Variants in APLF observed in about 807,000 individuals in gnomAD.
APLF encodes the protein aprataxin and PNK-like factor.
A neutral mutation model predicts 55.6 loss-of-function variants in APLF; 61 were observed. The ratio of observed to expected loss-of-function variants is 1.10; its 90% confidence interval spans 0.89 to 1.36. The LOEUF is 1.36. APLF is among the 40% of genes most tolerant of loss of function. The pLI is 0.00. For missense variants in APLF, 611 were observed against 602.5 expected (o/e 1.01, Z -0.15); for synonymous variants, 207 against 214.8 (o/e 0.96, Z 0.32).
rs762347399 is a variant in APLF, at chr2:68,567,321, T to C, written c.1287-20T>C. ...TTAGTAATTGGAAGACTAGCTCTTA[T>C]TTTTGCATTCTTCTTTCAGGAAGAA... On this transcript the variant is annotated intron_variant, in intron 8 of 9. Coordinates refer to ENST00000303795, the MANE Select transcript of APLF (RefSeq NM_173545.3). 3.1e-6 allele frequency: 5 copies of C among 1,600,376 alleles called. No individual in the cohort carries two copies. Among genetic ancestry groups the C allele is most frequent in the African/African-American group, 1.3e-5 (1 of 74,214 alleles).
chr2:68,572,685 AAATT>A, intron 9 of APLF, among the ~76,000 whole-genome samples: 1 of 152,188 alleles, frequency 6.6e-6, no homozygotes, highest in Middle Eastern at 3.4e-3. Flanking sequence ...AAAATAAAAA[AAATT>A]AACCAGTTGT....
In APLF at chr2:68,578,202, A is replaced by T; in HGVS notation, c.*180A>T. Reference sequence around the variant, plus strand: ...GTCAGCCTTCAGTATAATAGATGGAATTTTTTGTTGCCTTGCCTTTTCTTT... The same window carrying T: ...GTCAGCCTTCAGTATAATAGATGGATTTTTTTGTTGCCTTGCCTTTTCTTT... On this transcript the variant is annotated 3_prime_UTR_variant, in exon 10 of 10. Coordinates refer to ENST00000303795, the MANE Select transcript of APLF (RefSeq NM_173545.3). 1 of 1,348,530 alleles carries T rather than the reference A, an allele frequency of 7.4e-7. No individual in the cohort carries two copies. The highest frequency in any genetic ancestry group is 9.5e-7 in the Non-Finnish European group (1 of 1,050,492). The allele number at this position is 1,348,530 out of a possible 1,614,324, so 83.5% of individuals were successfully genotyped here.
Position 68,538,343 on chromosome 2 carries a change from G to C in APLF, c.1160+116G>C, listed in dbSNP as rs546204784. On this transcript the variant is annotated intron_variant, in intron 7 of 9. Coordinates refer to ENST00000303795, the MANE Select transcript of APLF (RefSeq NM_173545.3). ...AAACCCACTGGCCTAAAGGTTAGGG[G>C]CTTTATCGTGTTTCTACTATTTGTA... is the stretch of plus-strand genomic sequence containing the variant. 8.7e-5 allele frequency: 75 copies of C among 864,538 alleles called. 1 individual carries two copies. In the East Asian group the frequency reaches 1.6e-3, roughly 18 times the overall value. 53.6% of individuals were successfully genotyped at this position (864,538 alleles called of 1,614,324 possible). A position where few individuals can be genotyped will look rare whatever the true frequency, so the allele number is the denominator to read the frequency against.
In APLF at chr2:68,499,478, G is replaced by T. The variant is rs79707808; in HGVS notation, c.169-3253G>T. Among the ~76,000 whole-genome samples the T allele has an allele frequency of 8.9e-3, 1,362 of 152,256 alleles. 16 individuals are homozygous for T. Among genetic ancestry groups the T allele is most frequent in the Non-Finnish European group, 0.015 (1,028 of 68,012 alleles). On this transcript the variant is annotated intron_variant, in intron 2 of 9. Coordinates refer to ENST00000303795, the MANE Select transcript of APLF (RefSeq NM_173545.3). ...GTCTTGTTTTGGGAGGGATTGAAAA[G>T]ATTTTTAATTATTGATTGTACTTCT...
chr2:68,518,323 A>C (rs1669714745), intron 5 of APLF, among the ~76,000 whole-genome samples: 1 of 113,436 alleles, frequency 8.8e-6, no homozygotes, highest in Non-Finnish European at 1.6e-5. Flanking sequence ...TTAATAATAT[A>C]TAATATATTA....
At position 68,467,842 on chromosome 2, in the gene APLF, G is replaced by T; in HGVS notation, c.96+15G>T. ...CGCTGCTGGGAGTAAGTGTGGGCGG[G>T]GGCTTAGCGGACCCCGAGAGCCGTG... On this transcript the variant is annotated intron_variant, in intron 1 of 9. Transcript: ENST00000303795. 8.1e-7 allele frequency: 1 copy of T among 1,231,850 alleles called. No homozygotes were observed. The highest frequency in any genetic ancestry group is 1.0e-6 in the Non-Finnish European group (1 of 987,768). The allele number at this position is 1,231,850 out of a possible 1,614,324, so 76.3% of individuals were successfully genotyped here.
intron 1 of APLF, among the ~76,000 whole-genome samples, chr2:68,480,288 G>A (rs143270595): frequency 2.0e-5 from 3 of 150,762 alleles, no homozygotes; most frequent in East Asian, 3.9e-4. Flanking sequence ...CCATTTAGAT[G>A]CCCTTTCTTT....
At position 68,578,705 on chromosome 2, in the gene APLF, T is replaced by G; in HGVS notation, c.*683T>G. On this transcript the variant is annotated 3_prime_UTR_variant, in exon 10 of 10. Transcript: ENST00000303795. ...TTAAAAGTAAAAAAACTCAAAAAAC[T>G]TGACCTTTTTTTTCAAACTAAAGTC... The G allele has an allele frequency of 3.0e-6, 3 of 985,330 alleles. No individual in the cohort carries two copies. The highest frequency in any genetic ancestry group is 3.6e-6 in the Non-Finnish European group (3 of 829,858). The allele number at this position is 985,330 out of a possible 1,614,324, so 61.0% of individuals were successfully genotyped here.
At chr2:68,560,156 T>G (rs1326452053) in intron 8 of APLF, among the ~76,000 whole-genome samples, 1 of 152,138 alleles carries the variant, frequency 6.6e-6, no homozygotes, top group African/African-American at 2.4e-5. Flanking sequence ...TATATCCTTC[T>G]CTTTATTTTT....
chr2:68,482,297 T>C (rs1235167471), intron 1 of APLF, among the ~76,000 whole-genome samples: 2 of 152,144 alleles, frequency 1.3e-5, no homozygotes, highest in African/African-American at 4.8e-5. Flanking sequence ...GTAGAGTACA[T>C]TGGCTTAGGT....
At chr2:68,479,945 A>C (rs748151970) in intron 1 of APLF, among the ~76,000 whole-genome samples, 1 of 152,180 alleles carries the variant, frequency 6.6e-6, no homozygotes, top group African/African-American at 2.4e-5. Flanking sequence ...TTAATGAATA[A>C]TACATATATT....
At chr2:68,519,139 T>TTA (rs535716270) in intron 5 of APLF, among the ~76,000 whole-genome samples, 5 of 130,774 alleles carry the variant, frequency 3.8e-5, no homozygotes, top group South Asian at 2.2e-4. Context: ...ATTTGACATT[T>TTA]TATATATATA....
At chr2:68,558,798 C>T (rs1671085863) in intron 8 of APLF, among the ~76,000 whole-genome samples, 2 of 152,146 alleles carry the variant, frequency 1.3e-5, no homozygotes, top group African/African-American at 4.8e-5. Context: ...TCTGCCTACG[C>T]CCCGACCACT....
At chr2:68,535,570 A>G (rs1254740954) in intron 6 of APLF, among the ~76,000 whole-genome samples, 1 of 149,506 alleles carries the variant, frequency 6.7e-6, no homozygotes, top group Non-Finnish European at 1.5e-5. Flanking sequence ...TAAGAATATA[A>G]TTAATTTATT....
chr2:68,518,047 T>C (rs1669691097), intron 5 of APLF, among the ~76,000 whole-genome samples: 1 of 136,890 alleles, frequency 7.3e-6, no homozygotes, highest in Admixed American at 7.9e-5. Context: ...ATAACAGTAA[T>C]ATATCATTAA....
intron 5 of APLF, among the ~76,000 whole-genome samples, chr2:68,523,102 T>C (rs921991758): frequency 1.4e-4 from 21 of 152,038 alleles, no homozygotes; most frequent in African/African-American, 5.1e-4. Context: ...ACCACACTTA[T>C]AAAAGAAGGT....
intron 7 of APLF, among the ~76,000 whole-genome samples, chr2:68,542,382 T>C (rs897961799): frequency 1.4e-4 from 22 of 152,118 alleles, no homozygotes; most frequent in Non-Finnish European, 2.8e-4. Flanking sequence ...TGGAATGGGA[T>C]AAAATATTTG....
At chr2:68,501,730 G>C (rs969543646) in intron 2 of APLF, among the ~76,000 whole-genome samples, 1 of 152,126 alleles carries the variant, frequency 6.6e-6, no homozygotes, top group Non-Finnish European at 1.5e-5. Flanking sequence ...AATGTGGATG[G>C]TCTTCATAGT....
At chr2:68,500,713 T>A (rs902968946) in intron 2 of APLF, among the ~76,000 whole-genome samples, 1 of 152,196 alleles carries the variant, frequency 6.6e-6, no homozygotes, top group Non-Finnish European at 1.5e-5. Context: ...CTGTTCTGAC[T>A]CTTGCTTCTC....
Sources: gnomAD v4.1 joint callset for allele counts (sites outside exome capture counted in the v4.1 genomes callset) on GRCh38, gnomAD v4.1.1 for gene constraint, MANE v1.5 for transcripts, NCBI Gene and HGNC (gene_info 2026-07-23, HGNC 2026-07-21) for gene names.